CFAP61: variants seen among roughly 807,000 people sequenced by gnomAD.
CFAP61 encodes cilia and flagella associated protein 61, also known as cilia- and flagella-associated protein 61.
In CFAP61, 107 loss-of-function variants were observed where a neutral mutation model predicts 135.6. The observed-to-expected ratio is 0.79, with a 90% CI of 0.67 to 0.93. The LOEUF is 0.93. CFAP61 is among the 40% of genes least tolerant of loss of function. CFAP61 has a pLI of 0.00. For synonymous variants in CFAP61, 575 were observed against 578.5 expected, an observed-to-expected ratio of 0.99 and a Z score of 0.09; for missense variants, 1,507 against 1,556.2, an observed-to-expected ratio of 0.97 and a Z score of 0.53.
rs554883175 is a variant in CFAP61, at chr20:20,154,978, G to A, written c.952-4392G>A. Among the ~76,000 whole-genome samples the A allele has an allele frequency of 9.2e-4, 140 of 152,196 alleles. 2 individuals are homozygous for A. The highest frequency in any genetic ancestry group is 2.1e-3 in the Admixed American group (32 of 15,298). Reference sequence around the variant, plus strand: ...GCCTGCATAGCCAAAGCAAGACTAAGCAAAAAGAAGAAATCTGGAGGCATC... The same window carrying A: ...GCCTGCATAGCCAAAGCAAGACTAAACAAAAAGAAGAAATCTGGAGGCATC... On this transcript the variant is annotated intron_variant, in intron 9 of 26. Coordinates refer to ENST00000245957, the MANE Select transcript of CFAP61 (RefSeq NM_015585.4).
chr20:20,318,525 G>A (rs1357273267), intron 25 of CFAP61, among the ~76,000 whole-genome samples: 3 of 152,156 alleles, frequency 2.0e-5, no homozygotes, highest in Non-Finnish European at 2.9e-5. Flanking sequence ...GGCTGGCACC[G>A]GAGGCATGAT....
chr20:20,117,553 A>G (rs1234278749), intron 8 of CFAP61, among the ~76,000 whole-genome samples: 1 of 151,882 alleles, frequency 6.6e-6, no homozygotes, highest in Non-Finnish European at 1.5e-5. Context: ...TTTGCTTATG[A>G]TTGCTTTGGG....
At chr20:20,079,713 A>C (rs1174521406) in intron 6 of CFAP61, among the ~76,000 whole-genome samples, 1 of 152,218 alleles carries the variant, frequency 6.6e-6, no homozygotes, top group African/African-American at 2.4e-5. Flanking sequence ...CTCATATAAA[A>C]TGATCTTTCA....
At chr20:20,159,792 G>T (rs923627858) in intron 10 of CFAP61, among the ~76,000 whole-genome samples, 1 of 152,204 alleles carries the variant, frequency 6.6e-6, no homozygotes, top group East Asian at 1.9e-4. Context: ...AGTTTTCTCT[G>T]TATCATATGC....
intron 25 of CFAP61, among the ~76,000 whole-genome samples, chr20:20,306,910 G>A (rs1205516115): frequency 6.6e-6 from 1 of 152,206 alleles, no homozygotes; most frequent in African/African-American, 2.4e-5. Context: ...AACCGTACAT[G>A]AAACAAATCA....
intron 8 of CFAP61, among the ~76,000 whole-genome samples, chr20:20,100,748 T>A (rs2047963089): frequency 6.6e-6 from 1 of 152,172 alleles, no homozygotes; most frequent in South Asian, 2.1e-4. Flanking sequence ...GAAAATTCCT[T>A]AGAAACTTTA....
intron 18 of CFAP61, among the ~76,000 whole-genome samples, chr20:20,234,436 T>C (rs140088039): frequency 7.9e-5 from 12 of 152,252 alleles, no homozygotes; most frequent in African/African-American, 2.9e-4. Context: ...GCATAGACGA[T>C]GATGGAGAAG....
intron 10 of CFAP61, among the ~76,000 whole-genome samples, chr20:20,161,331 G>A (rs1173251025): frequency 6.6e-6 from 1 of 152,164 alleles, no homozygotes; most frequent in Non-Finnish European, 1.5e-5. Flanking sequence ...CAACAAGGTG[G>A]ATTGATCTCC....
intron 25 of CFAP61, among the ~76,000 whole-genome samples, chr20:20,303,953 C>T (rs1044394578): frequency 6.6e-6 from 1 of 152,178 alleles, no homozygotes; most frequent in East Asian, 1.9e-4. Flanking sequence ...GCCAAAACAG[C>T]GCAGGCACTA....
intron 8 of CFAP61, among the ~76,000 whole-genome samples, chr20:20,124,966 G>T (rs1425990119): frequency 1.3e-5 from 2 of 151,624 alleles, no homozygotes; most frequent in Non-Finnish European, 2.9e-5. Flanking sequence ...ATCTTTCCAG[G>T]AATTTATCTA....
chr20:20,157,392 G>T (rs1232401394), intron 9 of CFAP61, among the ~76,000 whole-genome samples: 2 of 152,140 alleles, frequency 1.3e-5, no homozygotes, highest in African/African-American at 4.8e-5. Flanking sequence ...TAAGATTATT[G>T]TAATGAAGAT....
rs1426201930 is a variant in CFAP61 at position 20,332,553 on chromosome 20, A to G, written c.3423-9278A>G. On this transcript the variant is annotated intron_variant, in intron 25 of 26. Coordinates refer to ENST00000245957, the MANE Select transcript of CFAP61 (RefSeq NM_015585.4). ...GACAGTTTGCATTTAATTTTCATCA[A>G]TTCAGACACAAAAAAAGTAAGGCCT... 2.0e-5 allele frequency among the ~76,000 whole-genome samples: 3 copies of G among 152,232 alleles called. No homozygotes were observed. In the South Asian group the frequency reaches 6.2e-4, roughly 32 times the overall value.
At chr20:20,230,213 CT>C (rs1252639254) in intron 18 of CFAP61, among the ~76,000 whole-genome samples, 2 of 152,216 alleles carry the variant, frequency 1.3e-5, no homozygotes, top group African/African-American at 4.8e-5. Flanking sequence ...TCAAACAGAG[CT>C]TTTTAAAGCA....
chr20:20,309,263 A>G (rs1445182635), intron 25 of CFAP61, among the ~76,000 whole-genome samples: 1 of 152,242 alleles, frequency 6.6e-6, no homozygotes, highest in Non-Finnish European at 1.5e-5. Context: ...TGTGTTTATT[A>G]CAGAAAATGC....
chr20:20,070,781 G>T, intron 2 of CFAP61, 73 bp from the exon 3 acceptor site: 1 of 1,442,046 alleles, frequency 6.9e-7, no homozygotes, highest in East Asian at 2.3e-5. Context: ...GTAGCCAGAG[G>T]GAAAAAAATG....
intron 2 of CFAP61, among the ~76,000 whole-genome samples, chr20:20,063,256 C>G (rs2044951245): frequency 6.6e-6 from 1 of 151,798 alleles, no homozygotes; most frequent in African/African-American, 2.4e-5. Context: ...ATGTTGATAT[C>G]AAAATAAGAC....
At chr20:20,093,060 C>G (rs951401637) in intron 7 of CFAP61, among the ~76,000 whole-genome samples, 1 of 152,012 alleles carries the variant, frequency 6.6e-6, no homozygotes, top group Non-Finnish European at 1.5e-5. Flanking sequence ...TGGAGACAGC[C>G]CAAATGTCTA....
intron 1 of CFAP61, among the ~76,000 whole-genome samples, chr20:20,053,623 A>G (rs1056691099): frequency 3.3e-5 from 5 of 152,230 alleles, no homozygotes; most frequent in Admixed American, 6.5e-5. Context: ...CAATGCAGAT[A>G]TTACTTTCAA....
At chr20:20,287,028 C>A (rs971561821) in intron 22 of CFAP61, among the ~76,000 whole-genome samples, 4 of 151,924 alleles carry the variant, frequency 2.6e-5, no homozygotes, top group Non-Finnish European at 5.9e-5. Context: ...AATCAGATAT[C>A]TTTCTATATA....
Sources: gnomAD v4.1 joint callset for allele counts (sites outside exome capture counted in the v4.1 genomes callset) on GRCh38, gnomAD v4.1.1 for gene constraint, MANE v1.5 for transcripts, NCBI Gene and HGNC (gene_info 2026-07-23, HGNC 2026-07-21) for gene names.